The following EMSY variants were observed in gnomAD, a reference collection of about 807,000 sequenced individuals.
EMSY encodes the protein BRCA2-interacting transcriptional repressor EMSY.
EMSY carries 26 observed loss-of-function variants against 134.6 expected under a neutral mutation model. The ratio of observed to expected loss-of-function variants is 0.19; its 90% CI spans 0.14 to 0.27. The LOEUF (loss-of-function observed/expected upper bound fraction) is 0.27, where lower values mean the gene tolerates loss of function less well. Among genes scored for constraint, EMSY ranks in the 10% least tolerant of loss-of-function variants. The pLI, the probability that EMSY is intolerant of heterozygous loss-of-function variation, is 1.00. For synonymous variants in EMSY, 579 were observed against 577.8 expected (o/e 1.00, Z -0.03); for missense variants, 1,305 against 1,611.4 (o/e 0.81, Z 3.26).
At chr11:76,493,396 G>A (rs1336955488) in intron 8 of EMSY, among the ~76,000 whole-genome samples, 3 of 152,190 alleles carry the variant, frequency 2.0e-5, no homozygotes, top group Non-Finnish European at 4.4e-5. Context: ...TGAGTGCAAA[G>A]GGGTGGGTCC....
At chr11:76,463,629 CAAAAA>C (rs567081751) in intron 6 of EMSY, among the ~76,000 whole-genome samples, 187 bp from the exon 8 acceptor site, 1 of 94,874 alleles carries the variant, frequency 1.1e-5, no homozygotes, top group Non-Finnish European at 2.2e-5. Context: ...GACTCCGTCT[CAAAAA>C]AAAAAAAAAA....
chr11:76,550,408 C>G, exon 21 of EMSY: 1 of 275,820 alleles, frequency 3.6e-6, no homozygotes, highest in Non-Finnish European at 6.7e-6. Context: ...GGTCTTCTTT[C>G]TCTGTTGGAT....
chr11:76,451,806 T>C (rs1039004194), intron 2 of EMSY, 52 bp from the exon 3 acceptor site: 1 of 1,128,970 alleles, frequency 8.9e-7, no homozygotes, highest in Non-Finnish European at 1.2e-6. Context: ...TACATAGCCA[T>C]AGTATTAAAA....
intron 9 of EMSY, among the ~76,000 whole-genome samples, chr11:76,502,302 A>AG (rs2135927141): frequency 6.7e-6 from 1 of 148,794 alleles, no homozygotes; most frequent in Non-Finnish European, 1.5e-5. Flanking sequence ...AAAAAAAAAA[A>AG]AAAAAAAAAG....
intron 8 of EMSY, among the ~76,000 whole-genome samples, chr11:76,476,420 A>G (rs1948771182): frequency 6.6e-6 from 1 of 152,222 alleles, no homozygotes; most frequent in South Asian, 2.1e-4. Flanking sequence ...GAATTCTTAA[A>G]GAAGTACTTT....
chr11:76,499,918 A>G (rs1288820355), intron 9 of EMSY, among the ~76,000 whole-genome samples: 1 of 151,974 alleles, frequency 6.6e-6, no homozygotes, highest in South Asian at 2.1e-4. Context: ...GGTCTCTACA[A>G]AAAATTTAAA....
At chr11:76,498,991 T>C (rs927294498) in intron 9 of EMSY, among the ~76,000 whole-genome samples, 1 of 152,260 alleles carries the variant, frequency 6.6e-6, no homozygotes, top group Admixed American at 6.5e-5. Context: ...AGACGGAGTC[T>C]CGCTTTGTCA....
At chr11:76,532,999 C>T (rs1338925800) in intron 14 of EMSY, among the ~76,000 whole-genome samples, 1 of 152,016 alleles carries the variant, frequency 6.6e-6, no homozygotes, top group East Asian at 1.9e-4. Context: ...CTTTTTTGAC[C>T]ATGGAACCCT....
chr11:76,483,777 T>TA (rs1265482968), intron 8 of EMSY, among the ~76,000 whole-genome samples: 1 of 152,168 alleles, frequency 6.6e-6, no homozygotes, highest in Non-Finnish European at 1.5e-5. Context: ...CAAAGAGACT[T>TA]AGACTCCCAC....
intron 20 of EMSY, among the ~76,000 whole-genome samples, chr11:76,548,532 G>A (rs1177365543): frequency 1.3e-5 from 2 of 152,158 alleles, no homozygotes; most frequent in East Asian, 1.9e-4. Flanking sequence ...GAACTGCAAC[G>A]ATCTTCACAG....
At chr11:76,541,952 C>T (rs1377049680) in intron 17 of EMSY, 3 of 595,220 alleles carry the variant, frequency 5.0e-6, no homozygotes, top group Non-Finnish European at 9.0e-6. Context: ...TTTCACAGTG[C>T]TTCCGTATAC....
At chr11:76,505,392 G>A (rs1163961509) in intron 9 of EMSY, among the ~76,000 whole-genome samples, 1 of 145,862 alleles carries the variant, frequency 6.9e-6, no homozygotes, top group East Asian at 2.0e-4. Context: ...GTAGAGATGG[G>A]TTTTCACCAT....
intron 8 of EMSY, among the ~76,000 whole-genome samples, chr11:76,474,825 A>G (rs1490036696): frequency 6.6e-6 from 1 of 152,164 alleles, no homozygotes; most frequent in Non-Finnish European, 1.5e-5. Context: ...GTGCAGTGGC[A>G]TGATCTTGGC....
At chr11:76,448,117 G>A (rs1434771416) in intron 2 of EMSY, among the ~76,000 whole-genome samples, 4 of 152,086 alleles carry the variant, frequency 2.6e-5, no homozygotes, top group South Asian at 2.1e-4. Context: ...AGTTTGTTAC[G>A]TGTGTTAACA....
chr11:76,510,768 G>A (rs1345808388), intron 9 of EMSY, among the ~76,000 whole-genome samples: 1 of 152,174 alleles, frequency 6.6e-6, no homozygotes, highest in Non-Finnish European at 1.5e-5. Context: ...TCTGAAGTCT[G>A]GTTTCTCCTG....
At chr11:76,500,598 A>G (rs1949824262) in intron 9 of EMSY, among the ~76,000 whole-genome samples, 1 of 152,226 alleles carries the variant, frequency 6.6e-6, no homozygotes, top group Admixed American at 6.5e-5. Context: ...CGGATTACAG[A>G]GTAATGTATG....
intron 9 of EMSY, among the ~76,000 whole-genome samples, chr11:76,506,564 ACAC>A (rs1950085128): frequency 6.6e-6 from 1 of 152,238 alleles, no homozygotes; most frequent in Admixed American, 6.5e-5. Context: ...TACAGATAGC[ACAC>A]AAAAAGTGAA....
chr11:76,460,715 C>T (rs1188522911), intron 6 of EMSY: 1 of 151,926 alleles, frequency 6.6e-6, no homozygotes, highest in South Asian at 2.1e-4. Flanking sequence ...CACGGTGGCT[C>T]ACGCGTGTAA....
intron 8 of EMSY, among the ~76,000 whole-genome samples, chr11:76,483,761 G>T (rs1308644316): frequency 2.0e-5 from 3 of 152,106 alleles, no homozygotes; most frequent in African/African-American, 7.2e-5. Flanking sequence ...AGTTCTTAGA[G>T]ACCTACAAAG....
Sources: gnomAD v4.1 joint callset for allele counts (sites outside exome capture counted in the v4.1 genomes callset) on GRCh38, gnomAD v4.1.1 for gene constraint, MANE v1.5 for transcripts, NCBI Gene and HGNC (gene_info 2026-07-23, HGNC 2026-07-21) for gene names.